Variants in MAP7 observed in about 807,000 individuals in gnomAD.
The protein encoded by MAP7 is ensconsin.
MAP7 carries 52 observed loss-of-function variants against 94.8 expected under a neutral mutation model. The observed-to-expected ratio is 0.55, with a 90% CI of 0.44 to 0.69. MAP7 has a LOEUF of 0.69. MAP7 is among the 30% of genes least tolerant of loss of function. The probability of loss-of-function intolerance (pLI) is 0.00; values close to 1 mark genes in which losing one functional copy is unlikely to be tolerated. For synonymous variants in MAP7, 350 were observed against 357.0 expected (o/e 0.98, Z 0.22); for missense variants, 940 against 964.6 (o/e 0.97, Z 0.34).
intron 1 of MAP7, among the ~76,000 whole-genome samples, chr6:136,513,146 C>T (rs9402817): frequency 0.12 from 17,521 of 152,156 alleles, 2,508 homozygotes; most frequent in African/African-American, 0.34. Flanking sequence ...CACCCAGCTA[C>T]AATTTCTTAA....
chr6:136,377,262 T>G (rs531741191), intron 7 of MAP7, among the ~76,000 whole-genome samples: 1 of 152,318 alleles, frequency 6.6e-6, no homozygotes, highest in South Asian at 2.1e-4. Context: ...CTCTGAGAGT[T>G]CTGGAAGGGT....
chr6:136,383,574 GAA>G, intron 6 of MAP7, 95 bp downstream of exon 6: 2 of 637,480 alleles, frequency 3.1e-6, no homozygotes, highest in Non-Finnish European at 5.2e-6. Context: ...GAAACGTAGG[GAA>G]AGCAACTTCA....
intron 1 of MAP7, among the ~76,000 whole-genome samples, chr6:136,539,662 G>C (rs985800591): frequency 6.6e-6 from 1 of 152,186 alleles, no homozygotes; most frequent in Non-Finnish European, 1.5e-5. Context: ...CAAAACCTCA[G>C]GAGCAGGCAC....
rs773006654 is a variant in MAP7 at position 136,345,908 on chromosome 6, C to A, written c.2187G>T (p.Gly729=). The A allele has an allele frequency of 2.5e-6, 4 of 1,614,134 alleles. 1 individual carries two copies. The Admixed American group carries it at 6.7e-5, about 27-fold the overall frequency. The part of the protein sequence containing the change: ...LNPILAFDDE[G]TLGPLPQVDG... ...CTACCTGAGGCAGGGGCCCAAGTGTCCCTTCATCATCAAAGGCCAAAATTG... is the reference window on the plus strand; with the variant it reads ...CTACCTGAGGCAGGGGCCCAAGTGTACCTTCATCATCAAAGGCCAAAATTG... The change falls in exon 17 of 18, where the codon GGG becomes GGT. Residue 729 remains glycine (G), a synonymous_variant. Coordinates refer to ENST00000354570, the MANE Select transcript of MAP7 (RefSeq NM_003980.6).
intron 1 of MAP7, among the ~76,000 whole-genome samples, chr6:136,539,941 T>C (rs1311039250): frequency 1.3e-5 from 2 of 152,188 alleles, no homozygotes; most frequent in Non-Finnish European, 2.9e-5. Flanking sequence ...ATTGTGCCAC[T>C]GCATCCCAGC....
At chr6:136,379,557 G>T (rs2128628072) in intron 6 of MAP7, among the ~76,000 whole-genome samples, 1 of 152,292 alleles carries the variant, frequency 6.6e-6, no homozygotes, top group South Asian at 2.1e-4. Context: ...GGTAAAATCA[G>T]TGGGGAAAAG....
intron 1 of MAP7, among the ~76,000 whole-genome samples, chr6:136,466,137 A>G (rs577380942): frequency 2.8e-4 from 42 of 152,308 alleles, no homozygotes; most frequent in African/African-American, 9.9e-4. Flanking sequence ...CATTCTGGGG[A>G]AAGACATAAC....
rs375972905 is a variant in MAP7, at chr6:136,508,064, G to A, written c.67+42278C>T. Among the ~76,000 whole-genome samples the A allele has an allele frequency of 7.9e-5, 12 of 152,280 alleles. No individual in the cohort carries two copies. In the East Asian group the frequency reaches 1.9e-3, roughly 24 times the overall value. On this transcript the variant is annotated intron_variant, in intron 1 of 17. Coordinates refer to ENST00000354570, the MANE Select transcript of MAP7 (RefSeq NM_003980.6). ...TTTCAGGCTGGGTGCAGTGGTGAAC[G>A]CCTGTAATGCCAGCACTTTGGGAGG... is the stretch of plus-strand genomic sequence containing the variant.
chr6:136,456,764 GGAGGAAGAA>G (rs1450605026), intron 1 of MAP7, among the ~76,000 whole-genome samples: 6 of 24,418 alleles, frequency 2.5e-4, no homozygotes, highest in African/African-American at 9.6e-4. Context: ...AGGAGGAGGA[GGAGGAAGAA>G]GAAGAAGAAG....
chr6:136,419,510 G>A (rs1009831087), intron 2 of MAP7, among the ~76,000 whole-genome samples: 4 of 152,174 alleles, frequency 2.6e-5, no homozygotes, highest in Non-Finnish European at 5.9e-5. Context: ...GATTTCCAAA[G>A]CATGACCATT....
At chr6:136,355,223 T>C (rs1229541798) in intron 16 of MAP7, among the ~76,000 whole-genome samples, 1 of 151,276 alleles carries the variant, frequency 6.6e-6, no homozygotes, top group Non-Finnish European at 1.5e-5. Context: ...CTGTTCCCCA[T>C]AATAATGGGA....
intron 6 of MAP7, among the ~76,000 whole-genome samples, chr6:136,378,387 C>T (rs1776838114): frequency 6.6e-6 from 1 of 152,134 alleles, no homozygotes; most frequent in Admixed American, 6.5e-5. Flanking sequence ...TGAATTGCTA[C>T]TTGGGCAATG....
chr6:136,519,595 T>C (rs933994843), intron 1 of MAP7, among the ~76,000 whole-genome samples: 2 of 152,214 alleles, frequency 1.3e-5, no homozygotes, highest in Non-Finnish European at 2.9e-5. Flanking sequence ...CTAGATTATA[T>C]TTCGTTTGGA....
At chr6:136,372,773 T>G in intron 7 of MAP7, 148 bp from the exon 8 acceptor site, 2 of 875,476 alleles carry the variant, frequency 2.3e-6, no homozygotes, top group Non-Finnish European at 3.6e-6. Flanking sequence ...AAGATGTTAT[T>G]ACCTAAAGGT....
At chr6:136,408,992 T>C (rs747117835) in intron 3 of MAP7, among the ~76,000 whole-genome samples, 1 of 151,990 alleles carries the variant, frequency 6.6e-6, no homozygotes, top group Non-Finnish European at 1.5e-5. Context: ...CTCACTCCTG[T>C]ATTTATGAAG....
At chr6:136,407,157 G>A (rs1455474777) in intron 3 of MAP7, among the ~76,000 whole-genome samples, 1 of 152,144 alleles carries the variant, frequency 6.6e-6, no homozygotes, top group East Asian at 1.9e-4. Context: ...ACTGAAGATT[G>A]TAGAGTAAGC....
At chr6:136,383,125 G>A (rs1309520504) in intron 6 of MAP7, among the ~76,000 whole-genome samples, 2 of 152,114 alleles carry the variant, frequency 1.3e-5, no homozygotes, top group Non-Finnish European at 2.9e-5. Context: ...ATTTCTTGAA[G>A]TTAGGCCAGA....
chr6:136,428,209 T>C (rs1793790699), intron 1 of MAP7, among the ~76,000 whole-genome samples: 3 of 152,078 alleles, frequency 2.0e-5, no homozygotes, highest in Admixed American at 1.3e-4. Flanking sequence ...GGTCTATACA[T>C]GAGATTATAA....
intron 2 of MAP7, chr6:136,419,909 C>A (rs1466295383): frequency 3.5e-6 from 2 of 563,588 alleles, no homozygotes; most frequent in Non-Finnish European, 6.7e-6. Flanking sequence ...ATCTTCTCTT[C>A]TATCTCTATG....
Sources: gnomAD v4.1 joint callset for allele counts (sites outside exome capture counted in the v4.1 genomes callset) on GRCh38, gnomAD v4.1.1 for gene constraint, MANE v1.5 for transcripts, NCBI Gene and HGNC (gene_info 2026-07-23, HGNC 2026-07-21) for gene names.